THADA: variants seen among roughly 807,000 people sequenced by gnomAD.
THADA encodes THADA armadillo repeat containing, also known as tRNA (32-2'-O)-methyltransferase regulator THADA.
In THADA, 213 loss-of-function variants were observed where a neutral mutation model predicts 219.8. The ratio of observed to expected loss-of-function variants is 0.97; its 90% confidence interval spans 0.87 to 1.09. The LOEUF (loss-of-function observed/expected upper bound fraction) is 1.09, where lower values mean the gene tolerates loss of function less well. Ranked by LOEUF, THADA falls within the 50% of genes least tolerant of loss-of-function variation. The pLI is 0.00. For synonymous variants in THADA, 1,018 were observed against 828.9 expected, an observed-to-expected ratio of 1.23 and a Z score of -3.92; for missense variants, 2,956 against 2,311.3, an observed-to-expected ratio of 1.28 and a Z score of -5.72.
At position 43,574,882 on chromosome 2, in the gene THADA, A is replaced by G. The variant is rs750608341; in HGVS notation, c.1183T>C (p.Tyr395His). The G allele has an allele frequency of 1.1e-5, 17 of 1,614,008 alleles. No homozygotes were observed. Among genetic ancestry groups the G allele is most frequent in the Non-Finnish European group, 1.3e-5 (15 of 1,179,894 alleles). ...GGATGTTCCCAATGGGTATAGACAT[A>G]TTCCAAAAGTCTCCCAACTATACTT... ...NSSIVGRLLE[Y>H]VYTHWEHPLD... The change falls in exon 11 of 38, where the codon TAT becomes CAT. Residue 395 changes from tyrosine (Y) to histidine (H), a missense_variant. Physicochemically the swap from Tyr to His is moderately conservative, Grantham distance 83. Coordinates refer to ENST00000405975, the MANE Select transcript of THADA (RefSeq NM_022065.5).
At chr2:43,562,181 T>C (rs1011951015) in intron 15 of THADA, 2 of 152,246 alleles carry the variant, frequency 1.3e-5, no homozygotes, top group African/African-American at 2.4e-5. Context: ...TCTATATCCA[T>C]AAAGGATATT....
At chr2:43,362,037 A>C (rs1420941374) in intron 29 of THADA, among the ~76,000 whole-genome samples, 1 of 152,216 alleles carries the variant, frequency 6.6e-6, no homozygotes, top group African/African-American at 2.4e-5. Flanking sequence ...AACTCTTTAA[A>C]ATAGGCTAAG....
chr2:43,263,183 C>G (rs967708414), intron 36 of THADA, among the ~76,000 whole-genome samples: 1 of 152,178 alleles, frequency 6.6e-6, no homozygotes, highest in African/African-American at 2.4e-5. Flanking sequence ...TCCCCAGTAG[C>G]CCATCCAACA....
chr2:43,416,618 G>C (rs1335469219), intron 28 of THADA, among the ~76,000 whole-genome samples: 1 of 152,142 alleles, frequency 6.6e-6, no homozygotes, highest in African/African-American at 2.4e-5. Flanking sequence ...AAATGTCCCA[G>C]ATCAGGAATT....
At chr2:43,275,861 G>A (rs1427475297) in intron 36 of THADA, among the ~76,000 whole-genome samples, 1 of 152,192 alleles carries the variant, frequency 6.6e-6, no homozygotes, top group African/African-American at 2.4e-5. Context: ...GCAAATGCCA[G>A]GATTTAAAGT....
chr2:43,474,756 GATAA>G (rs1174987025), intron 26 of THADA, among the ~76,000 whole-genome samples: 1 of 152,172 alleles, frequency 6.6e-6, no homozygotes, highest in East Asian at 1.9e-4. Flanking sequence ...TGATCATAGA[GATAA>G]ATAAAAGAAA....
intron 36 of THADA, among the ~76,000 whole-genome samples, chr2:43,257,759 TA>T (rs1670492842): frequency 6.6e-6 from 1 of 152,152 alleles, no homozygotes; most frequent in Admixed American, 6.5e-5. Flanking sequence ...GCAAGGAACA[TA>T]AAACCTTATT....
intron 30 of THADA, chr2:43,343,659 C>G (rs1667304523): frequency 6.6e-6 from 1 of 152,532 alleles, no homozygotes; most frequent in South Asian, 2.1e-4. Flanking sequence ...CTTATTCAAG[C>G]TACCTTACTA....
chr2:43,232,217 T>C (rs1375972444), intron 37 of THADA, among the ~76,000 whole-genome samples: 5 of 151,836 alleles, frequency 3.3e-5, no homozygotes, highest in Admixed American at 3.3e-4. Flanking sequence ...CTTGCTCTGT[T>C]GCCCAGGCTG....
intron 31 of THADA, among the ~76,000 whole-genome samples, chr2:43,294,613 TG>T (rs1161024558): frequency 1.3e-5 from 2 of 152,078 alleles, no homozygotes; most frequent in Non-Finnish European, 2.9e-5. Flanking sequence ...GGAATGCCAC[TG>T]GGGGGTTATT....
chr2:43,570,012 T>C (rs922527228), intron 14 of THADA, among the ~76,000 whole-genome samples: 1 of 152,198 alleles, frequency 6.6e-6, no homozygotes, highest in Non-Finnish European at 1.5e-5. Context: ...ATCAAGCCTC[T>C]GTAAGTCATC....
intron 29 of THADA, among the ~76,000 whole-genome samples, chr2:43,344,798 A>G (rs912286319): frequency 2.7e-5 from 4 of 149,660 alleles, no homozygotes; most frequent in Non-Finnish European, 4.4e-5. Context: ...CTTCCCTTCG[A>G]TGTCAGGAGT....
At chr2:43,320,052 G>C (rs1221457932) in intron 31 of THADA, among the ~76,000 whole-genome samples, 1 of 152,148 alleles carries the variant, frequency 6.6e-6, no homozygotes, top group Non-Finnish European at 1.5e-5. Context: ...TTTGAGAAGA[G>C]AGTCTCAAAT....
intron 28 of THADA, among the ~76,000 whole-genome samples, chr2:43,417,037 CTTTTTTTTTTTTT>C (rs67993873): frequency 4.3e-5 from 4 of 93,780 alleles, no homozygotes; most frequent in African/African-American, 1.6e-4. Context: ...TGGCTGTTTT[CTTTTTTTTTTTTT>C]TTTTTTTTTG....
chr2:43,583,793 A>C (rs577552136), intron 7 of THADA, among the ~76,000 whole-genome samples: 5 of 152,308 alleles, frequency 3.3e-5, no homozygotes, highest in Non-Finnish European at 7.3e-5. Flanking sequence ...CTGTAATCCC[A>C]GCACTTTGGG....
intron 28 of THADA, among the ~76,000 whole-genome samples, chr2:43,422,847 G>C (rs974132775): frequency 2.6e-5 from 4 of 152,102 alleles, no homozygotes; most frequent in Admixed American, 2.6e-4. Flanking sequence ...AGCCTCCCAA[G>C]TAGCTGGGAC....
At chr2:43,460,367 G>GTT (rs1409148137) in intron 26 of THADA, among the ~76,000 whole-genome samples, 2 of 150,838 alleles carry the variant, frequency 1.3e-5, no homozygotes, top group Admixed American at 6.6e-5. Flanking sequence ...AACTGCTCCA[G>GTT]ACTGTGACTG....
At chr2:43,419,036 T>C (rs1677366222) in intron 28 of THADA, among the ~76,000 whole-genome samples, 1 of 152,146 alleles carries the variant, frequency 6.6e-6, no homozygotes, top group Non-Finnish European at 1.5e-5. Flanking sequence ...TCCTAGAGCC[T>C]GGCTATAAAA....
intron 36 of THADA, among the ~76,000 whole-genome samples, chr2:43,277,522 A>G (rs1672852605): frequency 6.6e-6 from 1 of 151,954 alleles, no homozygotes; most frequent in South Asian, 2.1e-4. Flanking sequence ...TGCACCTCCT[A>G]CTTCCCCAAG....
Sources: gnomAD v4.1 joint callset for allele counts (sites outside exome capture counted in the v4.1 genomes callset) on GRCh38, gnomAD v4.1.1 for gene constraint, MANE v1.5 for transcripts, NCBI Gene and HGNC (gene_info 2026-07-23, HGNC 2026-07-21) for gene names.